The following AGAP1 variants were observed in gnomAD, a reference collection of about 807,000 sequenced individuals.
The protein encoded by AGAP1 is arf-GAP with GTPase, ANK repeat and PH domain-containing protein 1.
Under a neutral mutation model 105.3 loss-of-function variants are expected in AGAP1, and 29 were observed. The observed-to-expected ratio is 0.28, with a 90% CI of 0.21 to 0.38. The LOEUF (loss-of-function observed/expected upper bound fraction) is 0.38, where lower values mean the gene tolerates loss of function less well. AGAP1 is among the 10% of genes least tolerant of loss of function. AGAP1 has a pLI of 1.00. For missense variants in AGAP1, 998 were observed against 1,165.1 expected (o/e 0.86, Z 2.09); for synonymous variants, 509 against 485.9 (o/e 1.05, Z -0.63).
chr2:235,756,348 G>T (rs921423332), intron 6 of AGAP1, among the ~76,000 whole-genome samples: 2 of 152,048 alleles, frequency 1.3e-5, no homozygotes, highest in Non-Finnish European at 2.9e-5. Context: ...CTTTTATTGG[G>T]CATAGTTTAT....
chr2:236,049,310 C>A, intron 16 of AGAP1, 29 bp downstream of exon 16: 1 of 1,592,082 alleles, frequency 6.3e-7, no homozygotes, highest in East Asian at 2.3e-5. Context: ...GCCTGGCTCC[C>A]GACACGTTTG....
intron 5 of AGAP1, among the ~76,000 whole-genome samples, chr2:235,748,469 T>G (rs1316632604): frequency 6.6e-6 from 1 of 152,216 alleles, no homozygotes; most frequent in Non-Finnish European, 1.5e-5. Flanking sequence ...GCAAGTCAGA[T>G]TTACTAATCA....
chr2:235,958,048 T>A lies in AGAP1; in HGVS notation c.1484-10414T>A. On this transcript the variant is annotated intron_variant, in intron 12 of 17. Coordinates refer to ENST00000304032, the MANE Select transcript of AGAP1 (RefSeq NM_001037131.3). This position sits in a 1 kb window ranked among gnomAD's most constrained non-coding sequence, Gnocchi z 4.1. ...TAGCATTTTCCTCTCTCTTTTCTTTTGTCTTTCTTTTCCTTTTTTTCCATA... is the reference window on the plus strand; with the variant it reads ...TAGCATTTTCCTCTCTCTTTTCTTTAGTCTTTCTTTTCCTTTTTTTCCATA... Among the ~76,000 whole-genome samples the A allele has an allele frequency of 6.6e-6, 1 of 152,248 alleles. No individual in the cohort carries two copies. The highest frequency in any genetic ancestry group is 1.9e-4 in the East Asian group (1 of 5,202).
chr2:235,955,611 AAAG>A (rs1430578004), intron 12 of AGAP1, among the ~76,000 whole-genome samples: 1 of 152,198 alleles, frequency 6.6e-6, no homozygotes, highest in Non-Finnish European at 1.5e-5. Context: ...TTAAAGAAGA[AAAG>A]AATCCTATTA....
chr2:235,765,995 CAGAT>C (rs1324127919), intron 6 of AGAP1, among the ~76,000 whole-genome samples: 4 of 152,142 alleles, frequency 2.6e-5, no homozygotes, highest in South Asian at 2.1e-4. Context: ...CCGGTCTTGT[CAGAT>C]AGAGTGTTTA....
intron 1 of AGAP1, among the ~76,000 whole-genome samples, chr2:235,706,944 G>GGTATTAA (rs1950564447): frequency 6.6e-6 from 1 of 152,200 alleles, no homozygotes; most frequent in Non-Finnish European, 1.5e-5. Flanking sequence ...GTTCACTGAT[G>GGTATTAA]GTATTAAGAC....
Position 235,930,793 on chromosome 2 carries a change from G to A in AGAP1, c.1353G>A (p.Gln451=). 1 of 1,614,068 alleles carries A rather than the reference G, an allele frequency of 6.2e-7. No individual in the cohort carries two copies. Among genetic ancestry groups the A allele is most frequent in the Non-Finnish European group, 8.5e-7 (1 of 1,180,020 alleles). The change falls in exon 12 of 18, where the codon CAG becomes CAA. Residue 451 remains glutamine, a synonymous_variant. Transcript: ENST00000304032. This position sits in a 1 kb window ranked among gnomAD's most constrained non-coding sequence, Gnocchi z 7.9. ...ATGTCACTAGTGCATCTGGGTCTCA[G>A]ATGGCAAGCGGCATCAGCCTGGTCT... ...SGNVTSASGS[Q]MASGISLVSF... is the part of the protein sequence containing the mutation.
At chr2:235,647,882 A>C (rs553763443) in intron 1 of AGAP1, among the ~76,000 whole-genome samples, 1 of 151,976 alleles carries the variant, frequency 6.6e-6, no homozygotes, top group Admixed American at 6.6e-5. Flanking sequence ...CTTACTGTAG[A>C]CCATCACACC....
chr2:235,878,963 A>G (rs1032706274), intron 9 of AGAP1, among the ~76,000 whole-genome samples: 1 of 152,146 alleles, frequency 6.6e-6, no homozygotes, highest in African/African-American at 2.4e-5. Flanking sequence ...TTCAAGACCA[A>G]AAGTGTTGGG....
rs2060030579 is a variant in AGAP1, at chr2:236,128,082, C to CG, written c.*3960_*3961insG. 1 of 151,556 alleles carries CG rather than the reference C, an allele frequency of 6.6e-6. No individual in the cohort carries two copies. Among genetic ancestry groups the CG allele is most frequent in the South Asian group, 2.1e-4 (1 of 4,790 alleles). The allele number at this position is 151,556 out of a possible 1,614,324, so 9.4% of individuals were successfully genotyped here. On this transcript the variant is annotated 3_prime_UTR_variant, in exon 18 of 18. Coordinates refer to ENST00000304032, the MANE Select transcript of AGAP1 (RefSeq NM_001037131.3). The surrounding 1 kb of genome is among the most constrained non-coding windows in gnomAD (Gnocchi z 5.9). ...TGATGGGCACGTTTGCCAACCCCCC[C>CG]CCCCCAGTAGAGCCCAGGACCCTCC...
rs776333091 is a variant in AGAP1, at chr2:235,962,778, C to T, written c.1484-5684C>T. 2.6e-5 allele frequency among the ~76,000 whole-genome samples: 4 copies of T among 152,122 alleles called. No homozygotes were observed. Among genetic ancestry groups the T allele is most frequent in the Non-Finnish European group, 4.4e-5 (3 of 68,024 alleles). ...GGTTGAAATTCCATGGGGTTTCTCG[C>T]TATTGATATTTTAGGTATTTGAGAC... is the stretch of plus-strand genomic sequence containing the variant. On this transcript the variant is annotated intron_variant, in intron 12 of 17. Coordinates refer to ENST00000304032, the MANE Select transcript of AGAP1 (RefSeq NM_001037131.3). The surrounding 1 kb of genome is among the most constrained non-coding windows in gnomAD (Gnocchi z 5.3).
chr2:235,686,187 C>A (rs2149417633), intron 1 of AGAP1, among the ~76,000 whole-genome samples: 1 of 152,152 alleles, frequency 6.6e-6, no homozygotes, highest in Admixed American at 6.5e-5. Flanking sequence ...AAGCTGAAGT[C>A]CCCCCAAGTG....
At chr2:236,065,538 G>T (rs2058323531) in intron 16 of AGAP1, among the ~76,000 whole-genome samples, 2 of 152,198 alleles carry the variant, frequency 1.3e-5, no homozygotes, top group Non-Finnish European at 2.9e-5. Flanking sequence ...AACAGTGTTC[G>T]GCCAGCCTGT....
intron 1 of AGAP1, among the ~76,000 whole-genome samples, chr2:235,511,895 AGT>A (rs1392845450): frequency 7.9e-5 from 1 of 12,620 alleles, no homozygotes; most frequent in Non-Finnish European, 1.4e-4. Flanking sequence ...TGTGAATGTG[AGT>A]GTGAATGAGT....
intron 13 of AGAP1, among the ~76,000 whole-genome samples, chr2:235,978,047 C>G (rs776215834): frequency 2.4e-4 from 37 of 152,208 alleles, no homozygotes; most frequent in Admixed American, 1.6e-3. Context: ...CACACACACA[C>G]AGAGAGAGAA....
intron 6 of AGAP1, among the ~76,000 whole-genome samples, chr2:235,771,605 A>C (rs2675125): frequency 2.0e-5 from 3 of 152,002 alleles, no homozygotes; most frequent in Non-Finnish European, 4.4e-5. Flanking sequence ...AGTGATCCCC[A>C]CCTGGAGAGG....
In AGAP1 at chr2:236,077,533, T is replaced by A. The variant is rs150581514; in HGVS notation, c.2114+28252T>A. On this transcript the variant is annotated intron_variant, in intron 16 of 17. Coordinates refer to ENST00000304032, the MANE Select transcript of AGAP1 (RefSeq NM_001037131.3). ...GGGGTTTCATCATATTGGTCAGGCT[T>A]GTCTCAAATTCCTAACCTCAGGTGA... Among the ~76,000 whole-genome samples the A allele has an allele frequency of 5.4e-3, 815 of 152,168 alleles. 5 individuals carry two copies. Among genetic ancestry groups the A allele is most frequent in the African/African-American group, 0.019 (790 of 41,548 alleles).
intron 1 of AGAP1, among the ~76,000 whole-genome samples, chr2:235,497,755 T>C (rs1941382264): frequency 6.6e-6 from 1 of 152,204 alleles, no homozygotes; most frequent in Non-Finnish European, 1.5e-5. Context: ...CCACCTCGCC[T>C]GGCTAATTTT....
rs1559170642 is a variant in AGAP1 at position 235,992,940 on chromosome 2, G to A, written c.1645+24317G>A. 1.3e-5 allele frequency among the ~76,000 whole-genome samples: 2 copies of A among 152,150 alleles called. No homozygotes were observed. The highest frequency in any genetic ancestry group is 2.9e-5 in the Non-Finnish European group (2 of 68,026). On this transcript the variant is annotated intron_variant, in intron 13 of 17. Coordinates refer to ENST00000304032, the MANE Select transcript of AGAP1 (RefSeq NM_001037131.3). The surrounding 1 kb of genome is among the most constrained non-coding windows in gnomAD (Gnocchi z 4.8). ...CTCCCTACCTGGGAGAACCTGGCTGGCCACATAGTGGAACTGGAAATGCCT... is the reference window on the plus strand; with the variant it reads ...CTCCCTACCTGGGAGAACCTGGCTGACCACATAGTGGAACTGGAAATGCCT...
Sources: allele counts gnomAD v4.1 joint callset (sites outside exome capture counted in the v4.1 genomes callset), GRCh38; gene constraint gnomAD v4.1.1; non-coding constraint Gnocchi (gnomAD v3.1); transcripts MANE v1.5; gene names NCBI Gene and HGNC (gene_info 2026-07-23, HGNC 2026-07-21).